MGAT5B: variants seen among roughly 807,000 people sequenced by gnomAD.
MGAT5B encodes N-acetylglucosaminyl-transferase Vb.
MGAT5B carries 54 observed loss-of-function variants against 95.1 expected under a neutral mutation model. That is an observed-to-expected ratio of 0.57 (90% CI 0.46 to 0.71). The LOEUF (loss-of-function observed/expected upper bound fraction) is 0.71, where lower values mean the gene tolerates loss of function less well. MGAT5B is among the 30% of genes least tolerant of loss of function. The pLI, the probability that MGAT5B is intolerant of heterozygous loss-of-function variation, is 0.00. For missense variants in MGAT5B, 935 were observed against 1,088.6 expected (o/e 0.86, Z 1.99); for synonymous variants, 464 against 451.0 (o/e 1.03, Z -0.36).
chr17:76,912,813 C>T lies in MGAT5B; in HGVS notation c.1025+6626C>T, dbSNP rs549797415. Among the ~76,000 whole-genome samples the T allele has an allele frequency of 6.6e-6, 1 of 152,170 alleles. No homozygotes were observed. The highest frequency in any genetic ancestry group is 1.5e-5 in the Non-Finnish European group (1 of 68,026). On this transcript the variant is annotated intron_variant, in intron 8 of 17. Coordinates refer to ENST00000569840, the MANE Select transcript of MGAT5B (RefSeq NM_001199172.2). This position sits in a 1 kb window ranked among gnomAD's most constrained non-coding sequence, Gnocchi z 5.0. Reference sequence around the variant, plus strand: ...GTCCCCGCCCGCGCCCCGCCGTGTGCGGAGGGAAGAAGCCAAACCCTAGTG... The same window carrying T: ...GTCCCCGCCCGCGCCCCGCCGTGTGTGGAGGGAAGAAGCCAAACCCTAGTG...
chr17:76,935,265 G>A (rs1298310183), intron 12 of MGAT5B, among the ~76,000 whole-genome samples: 1 of 152,164 alleles, frequency 6.6e-6, no homozygotes, highest in African/African-American at 2.4e-5. Flanking sequence ...TCCGTAGGTG[G>A]CAACCCATGG....
intron 1 of MGAT5B, chr17:76,872,605 A>C (rs948320643): frequency 7.0e-7 from 1 of 1,431,288 alleles, no homozygotes; most frequent in African/African-American, 1.4e-5. Context: ...CTCATGCCTA[A>C]GTGTGCGTCA....
chr17:76,948,904 C>G lies in MGAT5B; in HGVS notation c.*66C>G. ...CTCCTGCCGCGGGAGAAAGCACCAG[C>G]AGGTTCTGAGCCCTGGCTGCTTGTC... On this transcript the variant is annotated 3_prime_UTR_variant, in exon 18 of 18. Transcript: ENST00000569840. The G allele has an allele frequency of 6.8e-7, 1 of 1,479,052 alleles. No homozygotes were observed. Among genetic ancestry groups the G allele is most frequent in the Non-Finnish European group, 9.1e-7 (1 of 1,103,276 alleles). The allele number at this position is 1,479,052 out of a possible 1,614,324, so 91.6% of individuals were successfully genotyped here. A position where few individuals can be genotyped will look rare whatever the true frequency, so the allele number is the denominator to read the frequency against.
chr17:76,911,103 C>A (rs1968717769), intron 8 of MGAT5B, among the ~76,000 whole-genome samples: 1 of 152,188 alleles, frequency 6.6e-6, no homozygotes, highest in Non-Finnish European at 1.5e-5. Context: ...TAGAAACTTA[C>A]CAGTGTTTGG....
intron 3 of MGAT5B, among the ~76,000 whole-genome samples, chr17:76,885,599 AGG>A (rs764912633): frequency 2.6e-5 from 4 of 151,986 alleles, no homozygotes; most frequent in Non-Finnish European, 2.9e-5. Context: ...GGGAACTTGT[AGG>A]GGGAGGGGGA....
In MGAT5B at chr17:76,905,982, T is replaced by G. The variant is rs1388701357; in HGVS notation, c.856-36T>G. On this transcript the variant is annotated intron_variant, in intron 7 of 17. Transcript: ENST00000569840. The surrounding 1 kb of genome is among the most constrained non-coding windows in gnomAD (Gnocchi z 4.2). ...GGGGGGCGGGGCTCAGAGCTGCTGC[T>G]CCTCTCTGCTGACCCTCTGTGTTCC... 4 of 1,547,640 alleles carry G rather than the reference T, an allele frequency of 2.6e-6. No individual in the cohort carries two copies. Among genetic ancestry groups the G allele is most frequent in the Non-Finnish European group, 3.5e-6 (4 of 1,151,288 alleles).
At chr17:76,884,868 C>T (rs1343143831) in intron 3 of MGAT5B, among the ~76,000 whole-genome samples, 1 of 152,088 alleles carries the variant, frequency 6.6e-6, no homozygotes, top group Non-Finnish European at 1.5e-5. Flanking sequence ...TCCCAAAGTG[C>T]TGGGATTATA....
At chr17:76,891,034 G>A (rs762400490) in intron 3 of MGAT5B, among the ~76,000 whole-genome samples, 4 of 141,550 alleles carry the variant, frequency 2.8e-5, no homozygotes, top group South Asian at 4.6e-4. Flanking sequence ...GCACAATCTC[G>A]GCTCACTGCA....
chr17:76,895,420 T>C (rs1382413178), intron 3 of MGAT5B, among the ~76,000 whole-genome samples: 3 of 152,068 alleles, frequency 2.0e-5, no homozygotes, highest in Admixed American at 6.6e-5. Flanking sequence ...ATGGAAAAAT[T>C]GTCTTCCACG....
At chr17:76,890,034 C>T (rs941988621) in intron 3 of MGAT5B, among the ~76,000 whole-genome samples, 3 of 152,248 alleles carry the variant, frequency 2.0e-5, no homozygotes, top group Non-Finnish European at 4.4e-5. Flanking sequence ...GGGTGGTCTC[C>T]TGGCCTGGCT....
At chr17:76,893,162 G>A (rs573569) in intron 3 of MGAT5B, among the ~76,000 whole-genome samples, 71,195 of 151,804 alleles carry the variant, frequency 0.47, 21,348 homozygotes, top group African/African-American at 0.82. Context: ...CCCAGGGTCA[G>A]CCCACACAGA....
intron 3 of MGAT5B, among the ~76,000 whole-genome samples, chr17:76,901,496 T>C (rs1341024223): frequency 6.6e-6 from 1 of 151,924 alleles, no homozygotes; most frequent in Non-Finnish European, 1.5e-5. Context: ...TCCATCTCAA[T>C]AGAAGTTTGC....
Position 76,938,144 on chromosome 17 carries a change from G to A in MGAT5B, c.1584+1G>A. On this transcript the variant is annotated splice_donor_variant, in intron 13 of 17. Transcript: ENST00000569840. LOFTEE classifies it high-confidence loss of function. The surrounding 1 kb of genome is among the most constrained non-coding windows in gnomAD (Gnocchi z 4.3). The stretch of plus-strand genomic sequence containing the variant: ...TCAGCAGCTGCTGCGCAAGGCCAAA[G>A]TGAGCTCCCATCCCCCGCACCATTC... 2 of 1,613,854 alleles carry A rather than the reference G, an allele frequency of 1.2e-6. No homozygotes were observed. The highest frequency in any genetic ancestry group is 1.7e-6 in the Non-Finnish European group (2 of 1,179,906).
chr17:76,879,571 G>A (rs941829222), intron 2 of MGAT5B, among the ~76,000 whole-genome samples: 1 of 151,946 alleles, frequency 6.6e-6, no homozygotes, highest in East Asian at 1.9e-4. Flanking sequence ...ACGACTCCAC[G>A]ACAGACACCC....
chr17:76,887,045 C>CAAAAAACAA, intron 3 of MGAT5B, among the ~76,000 whole-genome samples: 1 of 151,334 alleles, frequency 6.6e-6, no homozygotes, highest in Admixed American at 6.6e-5. Context: ...GTCTGTCTCA[C>CAAAAAACAA]AAAACAAAAA....
chr17:76,948,699 C>T lies in MGAT5B; in HGVS notation c.2240C>T (p.Ala747Val), dbSNP rs749964510. Reference sequence around the variant, plus strand: ...ATGAACCACCTGTACCCGGCGTTCGCCCAGCCTGGCCAGGAGTGCTACCTG... The same window carrying T: ...ATGAACCACCTGTACCCGGCGTTCGTCCAGCCTGGCCAGGAGTGCTACCTG... ...SEMNHLYPAF[A>V]QPGQECYLQK... The change falls in exon 18 of 18, where the codon GCC becomes GTC. Residue 747 changes from alanine (A) to valine (V), a missense_variant. Ala to Val is a moderately conservative substitution (Grantham distance 64, BLOSUM62 0). Coordinates refer to ENST00000569840, the MANE Select transcript of MGAT5B (RefSeq NM_001199172.2). The T allele has an allele frequency of 6.2e-7, 1 of 1,613,516 alleles. No individual in the cohort carries two copies. The highest frequency in any genetic ancestry group is 8.5e-7 in the Non-Finnish European group (1 of 1,179,870).
At chr17:76,926,844 G>A (rs1007089063) in intron 10 of MGAT5B, 114 bp downstream of exon 10, 17 of 1,314,106 alleles carry the variant, frequency 1.3e-5, no homozygotes, top group African/African-American at 1.0e-4. Context: ...TCCAGCCAGT[G>A]GGGTTGGTGG....
At chr17:76,890,055 C>G (rs554885) in intron 3 of MGAT5B, among the ~76,000 whole-genome samples, 21,967 of 152,272 alleles carry the variant, frequency 0.14, 2,301 homozygotes, top group African/African-American at 0.29. Context: ...TGGGAATAAC[C>G]TGTCACTACA....
chr17:76,902,320 G>T (rs1968342093), intron 3 of MGAT5B, among the ~76,000 whole-genome samples: 1 of 152,166 alleles, frequency 6.6e-6, no homozygotes, highest in South Asian at 2.1e-4. Context: ...TGACCAACAT[G>T]TGCAGATATG....
Sources: gnomAD v4.1 joint callset for allele counts (sites outside exome capture counted in the v4.1 genomes callset) on GRCh38, gnomAD v4.1.1 for gene constraint, Gnocchi (gnomAD v3.1) non-coding constraint, MANE v1.5 for transcripts, NCBI Gene and HGNC (gene_info 2026-07-23, HGNC 2026-07-21) for gene names.